Variants in SPTLC3 observed in about 807,000 individuals in gnomAD.
SPTLC3 encodes the protein serine palmitoyltransferase 3.
Under a neutral mutation model 59.3 loss-of-function variants are expected in SPTLC3, and 36 were observed. The ratio of observed to expected loss-of-function variants is 0.61; its 90% CI spans 0.47 to 0.80. The LOEUF (loss-of-function observed/expected upper bound fraction) is 0.80. Among genes scored for constraint, SPTLC3 ranks in the 30% least tolerant of loss-of-function variants. The pLI is 0.00. For missense variants in SPTLC3, 625 were observed against 685.1 expected (o/e 0.91, Z 0.98); for synonymous variants, 257 against 240.8 (o/e 1.07, Z -0.62).
Position 13,073,818 on chromosome 20 carries a change from A to G in SPTLC3, c.459-531A>G. ...TGGAGCTGTGATTAAAGTTGGCCCC[A>G]ACTCAGTTTGGGGAAAGTTCCTTCA... On this transcript the variant is annotated intron_variant, in intron 3 of 11. Transcript: ENST00000399002. The G allele has an allele frequency of 1.9e-5, 11 of 593,670 alleles. 1 individual carries two copies. Among genetic ancestry groups the G allele is most frequent in the South Asian group, 1.3e-4 (9 of 67,346 alleles). The allele number at this position is 593,670 out of a possible 1,614,324, so 36.8% of individuals were successfully genotyped here.
At chr20:13,112,978 T>A (rs1990323059) in intron 7 of SPTLC3, among the ~76,000 whole-genome samples, 1 of 152,082 alleles carries the variant, frequency 6.6e-6, no homozygotes, top group South Asian at 2.1e-4. Context: ...AGGTTAGGAG[T>A]TCGAGACCAG....
chr20:13,076,343 A>T (rs1321930246), intron 4 of SPTLC3, among the ~76,000 whole-genome samples: 1 of 152,202 alleles, frequency 6.6e-6, no homozygotes, highest in East Asian at 1.9e-4. Flanking sequence ...ACTTCTGGAA[A>T]ACGTGTCTTA....
intron 9 of SPTLC3, among the ~76,000 whole-genome samples, chr20:13,152,305 G>GTTATTATATATA (rs2122951145): frequency 6.6e-6 from 1 of 152,296 alleles, no homozygotes; most frequent in African/African-American, 2.4e-5. Context: ...ATATGGGTGA[G>GTTATTATATATA]CTATAATTAT....
At chr20:13,084,945 G>A (rs1244077937) in intron 4 of SPTLC3, among the ~76,000 whole-genome samples, 1 of 152,176 alleles carries the variant, frequency 6.6e-6, no homozygotes, top group Non-Finnish European at 1.5e-5. Context: ...CATCAGAATT[G>A]TTTGATGTGA....
intron 1 of SPTLC3, among the ~76,000 whole-genome samples, chr20:13,030,732 C>A (rs1986400195): frequency 6.6e-6 from 1 of 152,128 alleles, no homozygotes. Context: ...CCCTCCCTAT[C>A]CATGAGCTAC....
At position 13,112,995 on chromosome 20, in the gene SPTLC3, C is replaced by G. The variant is rs1225626436; in HGVS notation, c.932+2778C>G. On this transcript the variant is annotated intron_variant, in intron 7 of 11. Transcript: ENST00000399002. The stretch of plus-strand genomic sequence containing the variant: ...GTTAGGAGTTCGAGACCAGCCTAGC[C>G]AACAGGGTGAAACCCCACCTCTACT... Among the ~76,000 whole-genome samples the G allele has an allele frequency of 2.0e-5, 3 of 152,152 alleles. No individual in the cohort carries two copies. In the East Asian group the frequency reaches 5.8e-4, roughly 29 times the overall value.
At chr20:13,029,145 T>G (rs79050183) in intron 1 of SPTLC3, among the ~76,000 whole-genome samples, 8,365 of 152,264 alleles carry the variant, frequency 0.055, 269 homozygotes, top group South Asian at 0.084. Flanking sequence ...TGTTAGCTTA[T>G]GACAGGAGGG....
intron 6 of SPTLC3, among the ~76,000 whole-genome samples, chr20:13,109,282 T>G (rs1451716464): frequency 6.6e-6 from 1 of 152,194 alleles, no homozygotes; most frequent in East Asian, 1.9e-4. Flanking sequence ...CACCATTTCA[T>G]TTGAGAAGAA....
intron 1 of SPTLC3, among the ~76,000 whole-genome samples, chr20:13,041,750 G>A (rs1373234043): frequency 6.7e-6 from 1 of 150,188 alleles, no homozygotes; most frequent in Non-Finnish European, 1.5e-5. Flanking sequence ...CCCCACTAGA[G>A]GATTGTCTTT....
chr20:13,129,415 G>A (rs900933953), intron 9 of SPTLC3, among the ~76,000 whole-genome samples: 2 of 152,188 alleles, frequency 1.3e-5, no homozygotes, highest in African/African-American at 2.4e-5. Context: ...TTCCCACAAA[G>A]CCATATTAAT....
chr20:13,146,737 C>T (rs2038519336), intron 9 of SPTLC3, among the ~76,000 whole-genome samples: 3 of 152,174 alleles, frequency 2.0e-5, no homozygotes, highest in African/African-American at 7.2e-5. Context: ...TCTATTGCCA[C>T]CTCAGCAGCT....
chr20:13,029,908 T>G (rs984240115), intron 1 of SPTLC3, among the ~76,000 whole-genome samples: 1 of 152,176 alleles, frequency 6.6e-6, no homozygotes, highest in Non-Finnish European at 1.5e-5. Flanking sequence ...TCTTTCTAGG[T>G]CAGAGAGCCT....
chr20:13,164,476 G>A (rs2038958065), intron 11 of SPTLC3: 4 of 529,278 alleles, frequency 7.6e-6, no homozygotes, highest in Non-Finnish European at 1.5e-5. Flanking sequence ...GGGTAAGCAT[G>A]GGTCACATGT....
intron 10 of SPTLC3, among the ~76,000 whole-genome samples, chr20:13,157,970 T>C (rs1246975830): frequency 1.3e-5 from 2 of 152,232 alleles, no homozygotes; most frequent in Non-Finnish European, 2.9e-5. Flanking sequence ...TGTAGCCAGT[T>C]ATCCTTTTGA....
chr20:13,020,542 T>C (rs1234281638), intron 1 of SPTLC3, among the ~76,000 whole-genome samples: 1 of 152,072 alleles, frequency 6.6e-6, no homozygotes, highest in Non-Finnish European at 1.5e-5. Context: ...TTTTGTCATT[T>C]ATATTAGAAG....
chr20:13,113,354 C>T (rs1990349610), intron 7 of SPTLC3, among the ~76,000 whole-genome samples: 2 of 152,084 alleles, frequency 1.3e-5, no homozygotes, highest in East Asian at 1.9e-4. Context: ...CAGATTTTTT[C>T]TCTTGCTTAT....
intron 1 of SPTLC3, among the ~76,000 whole-genome samples, chr20:13,012,372 G>T (rs1049142594): frequency 6.6e-6 from 1 of 152,100 alleles, no homozygotes; most frequent in Non-Finnish European, 1.5e-5. Context: ...ACAGGTGGTT[G>T]CTTTTTTTTC....
At chr20:13,123,328 C>T (rs2037911665) in intron 8 of SPTLC3, among the ~76,000 whole-genome samples, 1 of 126,196 alleles carries the variant, frequency 7.9e-6, no homozygotes, top group South Asian at 2.4e-4. Flanking sequence ...AAGACTCTGT[C>T]TAAAAAAAAA....
intron 2 of SPTLC3, chr20:13,049,551 G>T (rs778310795): frequency 1.1e-4 from 17 of 157,028 alleles, no homozygotes; most frequent in Non-Finnish European, 1.8e-4. Context: ...TGAGTGAACT[G>T]GGACTTTTTT....
Sources: gnomAD v4.1 joint callset for allele counts (sites outside exome capture counted in the v4.1 genomes callset) on GRCh38, gnomAD v4.1.1 for gene constraint, MANE v1.5 for transcripts, NCBI Gene and HGNC (gene_info 2026-07-23, HGNC 2026-07-21) for gene names.